Variants in SHISA6 observed in about 807,000 individuals in gnomAD.
SHISA6 encodes shisa family member 6, also known as protein shisa-6.
Under a neutral mutation model 47.9 loss-of-function variants are expected in SHISA6, and 22 were observed. The ratio of observed to expected loss-of-function variants is 0.46; its 90% CI spans 0.33 to 0.66. The LOEUF (loss-of-function observed/expected upper bound fraction) is 0.66. Among genes scored for constraint, SHISA6 ranks in the 30% least tolerant of loss-of-function variants. SHISA6 has a pLI of 0.02. For synonymous variants in SHISA6, 388 were observed against 337.8 expected (o/e 1.15, Z -1.63); for missense variants, 680 against 764.6 (o/e 0.89, Z 1.30).
intron 5 of SHISA6, among the ~76,000 whole-genome samples, chr17:11,556,659 C>T (rs1284647537): frequency 6.6e-6 from 1 of 152,104 alleles, no homozygotes; most frequent in African/African-American, 2.4e-5. Flanking sequence ...CCACATCAGC[C>T]ACCTCCATGG....
intron 3 of SHISA6, among the ~76,000 whole-genome samples, chr17:11,400,958 A>C (rs536138636): frequency 6.6e-6 from 1 of 152,312 alleles, no homozygotes. Flanking sequence ...ATCCTGGAAC[A>C]GTTCTTGTCT....
At chr17:11,436,210 C>T (rs565572662) in intron 3 of SHISA6, among the ~76,000 whole-genome samples, 7 of 152,270 alleles carry the variant, frequency 4.6e-5, no homozygotes, top group South Asian at 2.1e-4. Flanking sequence ...CATGTGGGCA[C>T]GCAGCAAGAT....
chr17:11,294,929 C>G (rs1051040817), intron 2 of SHISA6, among the ~76,000 whole-genome samples: 1 of 152,190 alleles, frequency 6.6e-6, no homozygotes, highest in African/African-American at 2.4e-5. Context: ...TATCGCTACT[C>G]TGTGCTTTGG....
chr17:11,377,609 T>C (rs563242439), intron 2 of SHISA6, among the ~76,000 whole-genome samples: 13 of 152,280 alleles, frequency 8.5e-5, no homozygotes, highest in African/African-American at 3.1e-4. Flanking sequence ...GTTTGAGATC[T>C]GGGGTAAGAG....
At chr17:11,310,789 A>G (rs1427740438) in intron 2 of SHISA6, among the ~76,000 whole-genome samples, 1 of 151,502 alleles carries the variant, frequency 6.6e-6, no homozygotes, top group Non-Finnish European at 1.5e-5. Context: ...CCTGACCGAC[A>G]TGGTGAAACC....
intron 2 of SHISA6, among the ~76,000 whole-genome samples, chr17:11,329,258 C>G (rs928438637): frequency 2.0e-5 from 3 of 152,212 alleles, no homozygotes; most frequent in Admixed American, 6.5e-5. Flanking sequence ...TGCTCATGGA[C>G]TGCTGAACAT....
chr17:11,309,865 G>A (rs1219561757), intron 2 of SHISA6, among the ~76,000 whole-genome samples: 5 of 152,200 alleles, frequency 3.3e-5, no homozygotes, highest in African/African-American at 1.2e-4. Context: ...TGGAATATAA[G>A]TGTCAAGAAA....
At chr17:11,468,097 G>C (rs1915854099) in intron 3 of SHISA6, among the ~76,000 whole-genome samples, 1 of 151,854 alleles carries the variant, frequency 6.6e-6, no homozygotes, top group Admixed American at 6.6e-5. Context: ...GAGTTTATTT[G>C]CTCTGTTTCC....
At chr17:11,388,788 GTTTATATATATATATATA>G (rs1913274691) in intron 3 of SHISA6, among the ~76,000 whole-genome samples, 1 of 49,078 alleles carries the variant, frequency 2.0e-5, no homozygotes, top group Admixed American at 2.3e-4. Flanking sequence ...TCAAACAAAA[GTTTATATATATATATATA>G]TATATATATA....
chr17:11,407,425 C>T (rs189590261), intron 3 of SHISA6, among the ~76,000 whole-genome samples: 33 of 152,118 alleles, frequency 2.2e-4, no homozygotes, highest in African/African-American at 7.2e-4. Flanking sequence ...AACTCGACCC[C>T]GGAAGCAGAA....
At chr17:11,242,197 A>G (rs570664737) in intron 1 of SHISA6, 137 bp downstream of exon 1, 47 of 1,218,668 alleles carry the variant, frequency 3.9e-5, no homozygotes, top group Non-Finnish European at 5.2e-5. Flanking sequence ...CTCCTTTTGC[A>G]TGCAATAAAT....
chr17:11,536,313 T>C (rs528548980), intron 3 of SHISA6, among the ~76,000 whole-genome samples: 20 of 152,206 alleles, frequency 1.3e-4, no homozygotes, highest in African/African-American at 4.8e-4. Flanking sequence ...ACTGGGTAGA[T>C]GCAGGGGGAG....
chr17:11,267,716 A>T (rs1908479240), intron 2 of SHISA6, among the ~76,000 whole-genome samples: 1 of 152,180 alleles, frequency 6.6e-6, no homozygotes, highest in Non-Finnish European at 1.5e-5. Flanking sequence ...CAAGATGCAG[A>T]CTGGCTAGGC....
chr17:11,485,213 A>G (rs1433052790), intron 3 of SHISA6, among the ~76,000 whole-genome samples: 3 of 152,052 alleles, frequency 2.0e-5, no homozygotes, highest in Admixed American at 6.6e-5. Context: ...GACTCTAGAG[A>G]AGGAGGCCAG....
At chr17:11,473,273 T>G (rs1915972337) in intron 3 of SHISA6, among the ~76,000 whole-genome samples, 1 of 151,926 alleles carries the variant, frequency 6.6e-6, no homozygotes, top group Admixed American at 6.6e-5. Context: ...CTTCCAAGAG[T>G]TTTATAGTTT....
intron 2 of SHISA6, among the ~76,000 whole-genome samples, chr17:11,366,750 A>G (rs1912464521): frequency 6.6e-6 from 1 of 152,150 alleles, no homozygotes; most frequent in African/African-American, 2.4e-5. Flanking sequence ...GAAGAGAGGA[A>G]TAAAGGCTCT....
At chr17:11,377,228 A>G (rs577760736) in intron 2 of SHISA6, among the ~76,000 whole-genome samples, 132 of 152,170 alleles carry the variant, frequency 8.7e-4, no homozygotes, top group African/African-American at 3.1e-3. Context: ...CTTTTTTCCC[A>G]AAGTGCTGGG....
chr17:11,521,153 T>A (rs904521952), intron 3 of SHISA6, among the ~76,000 whole-genome samples: 19 of 152,264 alleles, frequency 1.2e-4, no homozygotes, highest in Non-Finnish European at 2.4e-4. Context: ...CCCTCATTTT[T>A]ATTTGCTAAC....
chr17:11,549,864 A>C (rs989064099), intron 3 of SHISA6, among the ~76,000 whole-genome samples: 2 of 152,212 alleles, frequency 1.3e-5, no homozygotes, highest in Non-Finnish European at 2.9e-5. Flanking sequence ...GACAAGCAAG[A>C]AAAAATGTTT....
Sources: allele counts gnomAD v4.1 joint callset (sites outside exome capture counted in the v4.1 genomes callset), GRCh38; gene constraint gnomAD v4.1.1; transcripts MANE v1.5; gene names NCBI Gene and HGNC (gene_info 2026-07-23, HGNC 2026-07-21).